Variants in NADSYN1 observed in about 807,000 individuals in gnomAD.
NADSYN1 encodes glutamine-dependent NAD(+) synthetase.
A neutral mutation model predicts 99.3 loss-of-function variants in NADSYN1; 80 were observed. The observed-to-expected ratio is 0.81, with a 90% CI of 0.67 to 0.97. The LOEUF (loss-of-function observed/expected upper bound fraction) is 0.97, where lower values mean the gene tolerates loss of function less well. Among genes scored for constraint, NADSYN1 ranks in the 50% least tolerant of loss-of-function variants. The pLI, the probability that NADSYN1 is intolerant of heterozygous loss-of-function variation, is 0.00. For missense variants in NADSYN1, 859 were observed against 948.5 expected (o/e 0.91, Z 1.24); for synonymous variants, 385 against 372.1 (o/e 1.03, Z -0.40).
At chr11:71,497,644 C>T (rs1238245700) in intron 19 of NADSYN1, 33 bp downstream of exon 19, 3 of 1,613,098 alleles carry the variant, frequency 1.9e-6, no homozygotes, top group African/African-American at 1.3e-5. Context: ...CAGAGGGAGG[C>T]CAGTTAGGTA....
chr11:71,457,343 C>G (rs1292910485), intron 2 of NADSYN1, among the ~76,000 whole-genome samples: 1 of 152,212 alleles, frequency 6.6e-6, no homozygotes, highest in East Asian at 1.9e-4. Flanking sequence ...GTCACAATTG[C>G]TGGTTTTGGG....
intron 2 of NADSYN1, among the ~76,000 whole-genome samples, chr11:71,456,735 C>A (rs2120389230): frequency 6.6e-6 from 1 of 152,240 alleles, no homozygotes; most frequent in East Asian, 1.9e-4. Flanking sequence ...GGAATATTTG[C>A]ATCCAGCAGG....
chr11:71,454,973 T>C (rs998082631), intron 1 of NADSYN1, 137 bp from the exon 2 acceptor site: 2 of 659,028 alleles, frequency 3.0e-6, no homozygotes, highest in Non-Finnish European at 5.3e-6. Flanking sequence ...CTGCATCCCG[T>C]CTGGGAAGGC....
intron 5 of NADSYN1, among the ~76,000 whole-genome samples, chr11:71,470,239 C>T (rs1949618359): frequency 6.6e-6 from 1 of 152,244 alleles, no homozygotes; most frequent in Non-Finnish European, 1.5e-5. Context: ...CCTCCCACAA[C>T]ATGTGGGAAT....
rs71049984 is a variant in NADSYN1, at chr11:71,487,830, C to CAA, written c.1562+2201_1562+2202dup. Among the ~76,000 whole-genome samples, 333 of 80,058 alleles carry CAA rather than the reference C, an allele frequency of 4.2e-3. 7 individuals carry two copies. The East Asian group carries it at 0.054, about 13-fold the overall frequency. The allele number at this position is 80,058 out of a possible 152,430, so 52.5% of individuals were successfully genotyped here. A position where few individuals can be genotyped will look rare whatever the true frequency, so the allele number is the denominator to read the frequency against. ...TGGGCGACAGAGCAAGACTCCGTCT[C>CAA]AAAAAAAAAAAAAAAAAAAAGAAAA... On this transcript the variant is annotated intron_variant, in intron 16 of 20. Transcript: ENST00000319023.
chr11:71,482,812 A>C (rs772729882), intron 13 of NADSYN1, 37 bp from the exon 14 acceptor site: 3 of 1,606,704 alleles, frequency 1.9e-6, no homozygotes, highest in Non-Finnish European at 2.6e-6. Flanking sequence ...CCACACACTC[A>C]GGTGACTTCC....
At chr11:71,461,341 G>A (rs753514226) in intron 3 of NADSYN1, among the ~76,000 whole-genome samples, 24 of 152,236 alleles carry the variant, frequency 1.6e-4, no homozygotes, top group Non-Finnish European at 3.2e-4. Flanking sequence ...GTCTAAGTGA[G>A]AACAAGTTTG....
At chr11:71,475,288 C>CTGGGA (rs1949657833) in intron 9 of NADSYN1, 2 of 154,178 alleles carry the variant, frequency 1.3e-5, no homozygotes, top group Admixed American at 1.3e-4. Flanking sequence ...GTGGAGACCC[C>CTGGGA]AGGACACTCT....
chr11:71,482,018 GAGTGGAAGTAGGTGACA>G lies in NADSYN1; in HGVS notation c.1144_1150+10del. The stretch of plus-strand genomic sequence containing the variant: ...GCTGCCAGGTCTGCGAGGCCGTGAG[GAGTGGAAGTAGGTGACA>G]TCTGTTGGCTTGAGGGAGGCTCCAG... On this transcript the variant is annotated splice_donor_variant and splice_donor_5th_base_variant and coding_sequence_variant and intron_variant, in exon 13 of 21. Coordinates refer to ENST00000319023, the MANE Select transcript of NADSYN1 (RefSeq NM_018161.5). LOFTEE classifies it high-confidence loss of function. 1 of 1,609,994 alleles carries G rather than the reference GAGTGGAAGTAGGTGACA, an allele frequency of 6.2e-7. No homozygotes were observed. Among genetic ancestry groups the G allele is most frequent in the Non-Finnish European group, 8.5e-7 (1 of 1,178,152 alleles).
At chr11:71,497,460 G>A in intron 18 of NADSYN1, 23 bp from the exon 19 acceptor site, 3 of 1,613,972 alleles carry the variant, frequency 1.9e-6, no homozygotes, top group Non-Finnish European at 2.5e-6. Flanking sequence ...TGTCATCATG[G>A]AACAGATTTT....
intron 2 of NADSYN1, 143 bp downstream of exon 2, chr11:71,455,313 A>C: frequency 1.5e-6 from 1 of 648,648 alleles, no homozygotes; most frequent in Non-Finnish European, 2.7e-6. Flanking sequence ...GGTTAATGCC[A>C]TTGAACACCT....
chr11:71,462,406 C>T (rs1462506280), intron 3 of NADSYN1, among the ~76,000 whole-genome samples: 2 of 152,214 alleles, frequency 1.3e-5, no homozygotes, highest in Non-Finnish European at 2.9e-5. Context: ...TTTAAATCCA[C>T]CTATGGCCTG....
chr11:71,476,554 C>A, intron 9 of NADSYN1: 1 of 617,992 alleles, frequency 1.6e-6, no homozygotes, highest in Non-Finnish European at 2.1e-6. Flanking sequence ...GGGTTTCTTG[C>A]ACGGGGGCAG....
At chr11:71,485,131 G>A (rs1949734077) in intron 15 of NADSYN1, 2 of 172,464 alleles carry the variant, frequency 1.2e-5, no homozygotes, top group Non-Finnish European at 2.5e-5. Flanking sequence ...GAGAGGCCGG[G>A]GGCTCCAGCT....
chr11:71,457,477 T>C (rs373337271), intron 2 of NADSYN1, among the ~76,000 whole-genome samples: 26 of 152,264 alleles, frequency 1.7e-4, no homozygotes, highest in African/African-American at 5.8e-4. Context: ...TATTTTATTA[T>C]GGGAACCCCA....
chr11:71,458,928 G>A (rs1949530625), intron 3 of NADSYN1: 1 of 215,240 alleles, frequency 4.6e-6, no homozygotes, highest in Admixed American at 5.3e-5. Context: ...CTGCATATGT[G>A]TAGCTCCACA....
At chr11:71,463,335 A>C in intron 3 of NADSYN1, 97 bp from the exon 4 acceptor site, 1 of 1,106,080 alleles carries the variant, frequency 9.0e-7, no homozygotes, top group Non-Finnish European at 1.4e-6. Context: ...TTCGTAGTAA[A>C]GTAAAATGCA....
In NADSYN1 at chr11:71,464,294, C is replaced by A; in HGVS notation, c.407+152C>A. 1.1e-5 allele frequency: 7 copies of A among 640,584 alleles called. No homozygotes were observed. The Admixed American group carries it at 1.2e-4, about 11-fold the overall frequency. The allele number at this position is 640,584 out of a possible 1,614,324, so 39.7% of individuals were successfully genotyped here. On this transcript the variant is annotated intron_variant, in intron 5 of 20. Coordinates refer to ENST00000319023, the MANE Select transcript of NADSYN1 (RefSeq NM_018161.5). ...ATGGGACAAAAAGCACAAAGAAAGC[C>A]AAAAAAGAATGAAGCAACCAAAGGA...
intron 11 of NADSYN1, 185 bp from the exon 12 acceptor site, chr11:71,481,171 G>T: frequency 2.9e-6 from 2 of 698,592 alleles, no homozygotes; most frequent in Admixed American, 2.5e-5. Context: ...TAATACCCAC[G>T]TCCTGGGTCT....
Sources: allele counts gnomAD v4.1 joint callset (sites outside exome capture counted in the v4.1 genomes callset), GRCh38; gene constraint gnomAD v4.1.1; transcripts MANE v1.5; gene names NCBI Gene and HGNC (gene_info 2026-07-23, HGNC 2026-07-21).